The following ORC3 variants were observed in gnomAD, a reference collection of about 807,000 sequenced individuals.
ORC3 encodes homolog of latheo, Drosophila.
Under a neutral mutation model 100.7 loss-of-function variants are expected in ORC3, and 78 were observed. The observed-to-expected ratio is 0.77, with a 90% CI of 0.65 to 0.94. The LOEUF (loss-of-function observed/expected upper bound fraction) is 0.94. Ranked by LOEUF, ORC3 falls within the 40% of genes least tolerant of loss-of-function variation. ORC3 has a pLI of 0.00. For missense variants in ORC3, 789 were observed against 823.9 expected, an observed-to-expected ratio of 0.96 and a Z score of 0.52; for synonymous variants, 295 against 289.3, an observed-to-expected ratio of 1.02 and a Z score of -0.20.
intron 13 of ORC3, among the ~76,000 whole-genome samples, chr6:87,645,984 C>CTTTTTTTTTTTTTTTTTTTTTTTTT (rs747686139): frequency 7.9e-6 from 1 of 127,012 alleles, no homozygotes. Flanking sequence ...CTTTTTTTTT[C>CTTTTTTTTTTTTTTTTTTTTTTTTT]TTTTTTTTTT....
At chr6:87,616,228 T>C (rs1185003547) in intron 8 of ORC3, 86 bp from the exon 9 acceptor site, 6 of 534,082 alleles carry the variant, frequency 1.1e-5, no homozygotes, top group Non-Finnish European at 1.7e-5. Context: ...CATAATATCA[T>C]TCTTTGCCTC....
At chr6:87,664,648 G>T in intron 17 of ORC3, 95 bp from the exon 18 acceptor site, 1 of 899,474 alleles carries the variant, frequency 1.1e-6, no homozygotes, top group South Asian at 1.4e-5. Context: ...CCATTTACTG[G>T]TTTACTCAGT....
chr6:87,644,079 C>CTTTTTTTTTTTTTTTT lies in ORC3; in HGVS notation c.1382+7609_1382+7624dup, dbSNP rs1156943778. On this transcript the variant is annotated intron_variant, in intron 13 of 19. Transcript: ENST00000392844. ...CCACAGATACAGATGGCTGACTGTC[C>CTTTTTTTTTTTTTTTT]TTTTTTTTTTTTTTTTTTTTTTTTT... 1.6e-4 allele frequency among the ~76,000 whole-genome samples: 8 copies of CTTTTTTTTTTTTTTTT among 51,426 alleles called. 1 individual carries two copies. Among genetic ancestry groups the CTTTTTTTTTTTTTTTT allele is most frequent in the Middle Eastern group, 0.018 (1 of 56 alleles). 33.7% of individuals were successfully genotyped at this position (51,426 alleles called of 152,430 possible).
At chr6:87,622,270 C>G (rs1196635293) in intron 11 of ORC3, among the ~76,000 whole-genome samples, 1 of 151,914 alleles carries the variant, frequency 6.6e-6, no homozygotes, top group African/African-American at 2.4e-5. Flanking sequence ...TTGAAAGCAC[C>G]TTTAGATCTA....
In ORC3 at chr6:87,616,349, T is replaced by A; in HGVS notation, c.909T>A (p.Asn303Lys). The A allele has an allele frequency of 6.5e-7, 1 of 1,526,998 alleles. No homozygotes were observed. The highest frequency in any genetic ancestry group is 9.1e-7 in the Non-Finnish European group (1 of 1,101,750). The allele number at this position is 1,526,998 out of a possible 1,614,324, so 94.6% of individuals were successfully genotyped here. A position where few individuals can be genotyped will look rare whatever the true frequency, so the allele number is the denominator to read the frequency against. ...CAACTCAGTTTCCCTTTAAAATAAA[T>A]GAAAAAGTATTACAGGTTCTGACCA... Reference protein sequence around the residue: ...LLTTQFPFKINEKVLQVLTNI... With the variant: ...LLTTQFPFKIKEKVLQVLTNI... The change falls in exon 9 of 20, where the codon AAT (asparagine) becomes AAA (lysine). Residue 303 changes from asparagine (N) to lysine (K), a missense_variant. Physicochemically the swap from Asn to Lys is moderately conservative, Grantham distance 94. Coordinates refer to ENST00000392844, the MANE Select transcript of ORC3 (RefSeq NM_012381.4).
At chr6:87,605,133 G>A (rs765729120) in intron 4 of ORC3, among the ~76,000 whole-genome samples, 57 of 152,206 alleles carry the variant, frequency 3.7e-4, no homozygotes, top group Non-Finnish European at 6.6e-4. Flanking sequence ...ATGAAAACCA[G>A]GGATTCCGTA....
chr6:87,635,287 A>G (rs1472165522), intron 12 of ORC3, among the ~76,000 whole-genome samples: 2 of 152,236 alleles, frequency 1.3e-5, no homozygotes, highest in Non-Finnish European at 2.9e-5. Flanking sequence ...TTAATGGAAG[A>G]AGGAATCTGT....
At chr6:87,606,246 A>G (rs1218870200) in intron 5 of ORC3, among the ~76,000 whole-genome samples, 1 of 152,162 alleles carries the variant, frequency 6.6e-6, no homozygotes, top group Non-Finnish European at 1.5e-5. Context: ...CTATCAGCTT[A>G]ACTGCCGGTA....
intron 12 of ORC3, among the ~76,000 whole-genome samples, chr6:87,635,534 C>T (rs775508013): frequency 2.0e-5 from 3 of 152,178 alleles, no homozygotes; most frequent in Non-Finnish European, 4.4e-5. Context: ...CAGTGACTCA[C>T]GCCTGTAATC....
chr6:87,607,612 A>C, intron 5 of ORC3, 61 bp from the exon 6 acceptor site: 1 of 1,376,164 alleles, frequency 7.3e-7, no homozygotes, highest in Middle Eastern at 2.6e-4. Flanking sequence ...AAGTTTCAAG[A>C]GCTTTGGTTT....
At chr6:87,653,057 GT>G (rs1453647722) in intron 13 of ORC3, 58 bp from the exon 14 acceptor site, 8 of 1,339,062 alleles carry the variant, frequency 6.0e-6, no homozygotes, top group African/African-American at 5.8e-5. Context: ...TAAATAAAAT[GT>G]TTTTTAAGTG....
Position 87,662,212 on chromosome 6 carries a change from G to T in ORC3, c.1692-791G>T, listed in dbSNP as rs189186529. Among the ~76,000 whole-genome samples, 17 of 152,152 alleles carry T rather than the reference G, an allele frequency of 1.1e-4. No homozygotes were observed. The East Asian group carries it at 2.5e-3, about 22-fold the overall frequency. ...GGCCAAGGCTGATGGATCACCTGAG[G>T]TCAAGAGTTCAAGACCAGCCTGGCC... On this transcript the variant is annotated intron_variant, in intron 16 of 19. Coordinates refer to ENST00000392844, the MANE Select transcript of ORC3 (RefSeq NM_012381.4).
In ORC3 at chr6:87,639,635, A is replaced by T. The variant is rs1033709542; in HGVS notation, c.1382+3149A>T. Among the ~76,000 whole-genome samples, 5 of 151,822 alleles carry T rather than the reference A, an allele frequency of 3.3e-5. No individual in the cohort carries two copies. The East Asian group carries it at 7.7e-4, about 23-fold the overall frequency. On this transcript the variant is annotated intron_variant, in intron 13 of 19. Transcript: ENST00000392844. ...GTGGGTGTGGCCCTGTTGGAGGTTG[A>T]TGTTGCTGTTTTTATCTCTTGGCTT...
chr6:87,651,588 G>A (rs958018599), intron 13 of ORC3, among the ~76,000 whole-genome samples: 3 of 152,142 alleles, frequency 2.0e-5, no homozygotes, highest in African/African-American at 7.2e-5. Flanking sequence ...ATTGTAGAAA[G>A]AGGAAGATAA....
intron 13 of ORC3, among the ~76,000 whole-genome samples, chr6:87,639,825 CAAAA>C (rs548788316): frequency 3.5e-3 from 203 of 58,752 alleles, no homozygotes; most frequent in Middle Eastern, 8.6e-3. Context: ...GCCAAAAATA[CAAAA>C]AAAAAAAAAA....
chr6:87,633,359 A>C lies in ORC3; in HGVS notation c.1186-1486A>C, dbSNP rs1767573984. ...AAGTATACCCTCCCAATGGTGGTTA[A>C]AACAATTTTTGATTATGGCTACTTT... On this transcript the variant is annotated intron_variant, in intron 11 of 19. Coordinates refer to ENST00000392844, the MANE Select transcript of ORC3 (RefSeq NM_012381.4). Among the ~76,000 whole-genome samples, 5 of 152,360 alleles carry C rather than the reference A, an allele frequency of 3.3e-5. No individual in the cohort carries two copies. The South Asian group carries it at 1.0e-3, about 32-fold the overall frequency.
chr6:87,671,863 T>C (rs1218185209), downstream of ORC3, among the ~76,000 whole-genome samples: 4 of 152,136 alleles, frequency 2.6e-5, no homozygotes, highest in Non-Finnish European at 5.9e-5. Context: ...GGAAAAGCCG[T>C]AACTGTTGTG....
At chr6:87,632,185 G>C (rs892863312) in intron 11 of ORC3, among the ~76,000 whole-genome samples, 2 of 152,044 alleles carry the variant, frequency 1.3e-5, no homozygotes, top group Non-Finnish European at 2.9e-5. Flanking sequence ...AAACAAAAAA[G>C]AATTATTGTT....
chr6:87,631,909 TC>T (rs746859314), intron 11 of ORC3, among the ~76,000 whole-genome samples: 6 of 152,108 alleles, frequency 3.9e-5, no homozygotes, highest in Non-Finnish European at 7.4e-5. Context: ...CAGTGTCTAA[TC>T]CCGACACTTT....
Sources: gnomAD v4.1 joint callset for allele counts (sites outside exome capture counted in the v4.1 genomes callset) on GRCh38, gnomAD v4.1.1 for gene constraint, MANE v1.5 for transcripts, NCBI Gene and HGNC (gene_info 2026-07-23, HGNC 2026-07-21) for gene names.